The following GOLPH3L variants were observed in gnomAD, a reference collection of about 807,000 sequenced individuals.
GOLPH3L encodes Golgi phosphoprotein 3-like.
In GOLPH3L, 22 loss-of-function variants were observed where a neutral mutation model predicts 30.3. That is an observed-to-expected ratio of 0.73 (90% confidence interval 0.52 to 1.04). The LOEUF (loss-of-function observed/expected upper bound fraction) is 1.04. Ranked by LOEUF, GOLPH3L falls within the 50% of genes least tolerant of loss-of-function variation. The pLI is 0.00. For missense variants in GOLPH3L, 303 were observed against 345.8 expected, an observed-to-expected ratio of 0.88 and a Z score of 0.98; for synonymous variants, 120 against 128.2, an observed-to-expected ratio of 0.94 and a Z score of 0.43.
At chr1:150,684,549 A>AT (rs1229735180) in intron 2 of GOLPH3L, among the ~76,000 whole-genome samples, 1 of 152,182 alleles carries the variant, frequency 6.6e-6, no homozygotes, top group Non-Finnish European at 1.5e-5. Flanking sequence ...TCTTTTTAGT[A>AT]TAATAGTGTC....
At chr1:150,675,059 T>C (rs587721246) in intron 2 of GOLPH3L, among the ~76,000 whole-genome samples, 2 of 152,052 alleles carry the variant, frequency 1.3e-5, no homozygotes, top group East Asian at 3.9e-4. Context: ...AAAAAAAAAT[T>C]TGTAGCAATA....
chr1:150,672,680 C>T (rs887019124), intron 2 of GOLPH3L, among the ~76,000 whole-genome samples: 2 of 152,178 alleles, frequency 1.3e-5, no homozygotes, highest in Non-Finnish European at 2.9e-5. Context: ...ATCCACCCAC[C>T]TCAGCCTCCC....
intron 2 of GOLPH3L, among the ~76,000 whole-genome samples, chr1:150,685,344 T>G (rs989626639): frequency 6.6e-6 from 1 of 152,218 alleles, no homozygotes; most frequent in Non-Finnish European, 1.5e-5. Flanking sequence ...GGATAAGACC[T>G]GAAAAATAAC....
intron 2 of GOLPH3L, among the ~76,000 whole-genome samples, chr1:150,665,055 A>G (rs185074669): frequency 9.7e-4 from 148 of 152,212 alleles, no homozygotes; most frequent in African/African-American, 3.5e-3. Flanking sequence ...ACTAATGTCT[A>G]TTGAATACTT....
chr1:150,659,929 G>C (rs989177088), intron 4 of GOLPH3L, among the ~76,000 whole-genome samples: 1 of 152,008 alleles, frequency 6.6e-6, no homozygotes, highest in African/African-American at 2.4e-5. Context: ...CAGTTACTTG[G>C]GAGGCTGAGG....
intron 1 of GOLPH3L, among the ~76,000 whole-genome samples, chr1:150,695,358 A>G (rs1344617235): frequency 2.0e-5 from 3 of 152,138 alleles, no homozygotes; most frequent in African/African-American, 7.2e-5. Context: ...GCTGGTCTTG[A>G]ACTCCTGACC....
intron 2 of GOLPH3L, among the ~76,000 whole-genome samples, chr1:150,667,837 G>A (rs587749650): frequency 1.8e-4 from 28 of 151,940 alleles, no homozygotes; most frequent in Non-Finnish European, 2.9e-4. Flanking sequence ...CTCGTGACCC[G>A]CCTGCCTCGG....
At chr1:150,650,483 T>A (rs1571031332) in intron 4 of GOLPH3L, among the ~76,000 whole-genome samples, 2 of 152,314 alleles carry the variant, frequency 1.3e-5, no homozygotes. Flanking sequence ...GGTACTGGTC[T>A]GCAGCCTGTT....
intron 2 of GOLPH3L, among the ~76,000 whole-genome samples, chr1:150,676,499 T>C (rs1650780508): frequency 6.6e-6 from 1 of 152,116 alleles, no homozygotes; most frequent in Non-Finnish European, 1.5e-5. Flanking sequence ...ACCAATATCA[T>C]ACCTAAAACA....
intron 2 of GOLPH3L, among the ~76,000 whole-genome samples, chr1:150,676,175 T>C (rs1018114861): frequency 1.3e-5 from 2 of 152,058 alleles, no homozygotes; most frequent in African/African-American, 2.4e-5. Flanking sequence ...GGTTTTCCGA[T>C]GTTGCCCAAG....
At chr1:150,652,629 TAAA>T (rs1467574393) in intron 4 of GOLPH3L, among the ~76,000 whole-genome samples, 9 of 151,942 alleles carry the variant, frequency 5.9e-5, no homozygotes, top group Non-Finnish European at 5.9e-5. Flanking sequence ...ATGTAAGTAA[TAAA>T]AAAGATGGTA....
intron 2 of GOLPH3L, among the ~76,000 whole-genome samples, chr1:150,669,126 T>C (rs1229748947): frequency 2.0e-5 from 3 of 152,058 alleles, no homozygotes; most frequent in African/African-American, 7.2e-5. Context: ...TAGACAAAAG[T>C]ATAAAAACAT....
rs1254091952 is a variant in GOLPH3L, at chr1:150,647,985, T to C, written c.*336A>G. 1 of 239,836 alleles carries C rather than the reference T, an allele frequency of 4.2e-6. No individual in the cohort carries two copies. Among genetic ancestry groups the C allele is most frequent in the African/African-American group, 2.3e-5 (1 of 44,328 alleles). The allele number at this position is 239,836 out of a possible 1,614,324, so 14.9% of individuals were successfully genotyped here. A position where few individuals can be genotyped will look rare whatever the true frequency, so the allele number is the denominator to read the frequency against. Reference sequence around the variant, plus strand: ...TTCACTTTTTATCTCATTCACATTCTATAGCTGGAGAACTCAAAATCCCAT... The same window carrying C: ...TTCACTTTTTATCTCATTCACATTCCATAGCTGGAGAACTCAAAATCCCAT... On this transcript the variant is annotated 3_prime_UTR_variant, in exon 5 of 5. Coordinates refer to ENST00000271732, the MANE Select transcript of GOLPH3L (RefSeq NM_018178.6).
At chr1:150,685,664 G>C (rs900172260) in intron 2 of GOLPH3L, among the ~76,000 whole-genome samples, 1 of 151,992 alleles carries the variant, frequency 6.6e-6, no homozygotes, top group African/African-American at 2.4e-5. Context: ...GCAGTGGGTT[G>C]AGATCGCACC....
intron 2 of GOLPH3L, among the ~76,000 whole-genome samples, chr1:150,669,398 C>T (rs1650588645): frequency 6.6e-6 from 1 of 152,094 alleles, no homozygotes; most frequent in Non-Finnish European, 1.5e-5. Flanking sequence ...GGTCATTTTC[C>T]TCTTAGTGTA....
chr1:150,675,954 T>TCCTC (rs200242510), intron 2 of GOLPH3L, among the ~76,000 whole-genome samples: 5 of 149,450 alleles, frequency 3.3e-5, no homozygotes, highest in Admixed American at 1.3e-4. Flanking sequence ...TTGATTGAAC[T>TCCTC]CCTCCCTCCC....
intron 2 of GOLPH3L, among the ~76,000 whole-genome samples, chr1:150,685,025 T>C (rs949128789): frequency 1.3e-5 from 2 of 152,216 alleles, no homozygotes; most frequent in Non-Finnish European, 2.9e-5. Flanking sequence ...TATCTTCCTT[T>C]TGCCAGTTGG....
At chr1:150,688,309 G>A (rs1468344412) in intron 2 of GOLPH3L, among the ~76,000 whole-genome samples, 7 of 152,156 alleles carry the variant, frequency 4.6e-5, no homozygotes. Flanking sequence ...TAAAACACTG[G>A]AGTTCATTAA....
At chr1:150,653,615 C>T (rs587672053) in intron 4 of GOLPH3L, among the ~76,000 whole-genome samples, 5 of 151,948 alleles carry the variant, frequency 3.3e-5, no homozygotes, top group African/African-American at 9.7e-5. Context: ...CATGTACCAC[C>T]ATGTTCAGCT....
Sources: allele counts gnomAD v4.1 joint callset (sites outside exome capture counted in the v4.1 genomes callset), GRCh38; gene constraint gnomAD v4.1.1; transcripts MANE v1.5; gene names NCBI Gene and HGNC (gene_info 2026-07-23, HGNC 2026-07-21).